The following CNOT4 variants were observed in gnomAD, a reference collection of about 807,000 sequenced individuals.
CNOT4 encodes the protein CCR4-NOT transcription complex subunit 4.
A neutral mutation model predicts 73.8 loss-of-function variants in CNOT4; 8 were observed. That is an observed-to-expected ratio of 0.11 (90% CI 0.06 to 0.20). The LOEUF (loss-of-function observed/expected upper bound fraction) is 0.20. Among genes scored for constraint, CNOT4 ranks in the 10% least tolerant of loss-of-function variants. The pLI, the probability that CNOT4 is intolerant of heterozygous loss-of-function variation, is 1.00. For missense variants in CNOT4, 564 were observed against 883.4 expected (o/e 0.64, Z 4.58); for synonymous variants, 293 against 321.1 (o/e 0.91, Z 0.94).
In CNOT4 at chr7:135,394,146, T is replaced by C. The variant is rs1424575619; in HGVS notation, c.1399A>G (p.Ser467Gly). 1 of 1,614,066 alleles carries C rather than the reference T, an allele frequency of 6.2e-7. No individual in the cohort carries two copies. Among genetic ancestry groups the C allele is most frequent in the Non-Finnish European group, 8.5e-7 (1 of 1,180,032 alleles). Reference protein sequence around the residue: ...AAATNANSLNSTFSVLPQRFP... With the variant: ...AAATNANSLNGTFSVLPQRFP... ...CTCTGGGGCAAGACTGAAAAGGTAC[T>C]ATTGAGAGAATTGGCATTTGTAGCT... Residue 467 changes from serine (S) to glycine (G), a missense_variant, in exon 10 of 12, where the codon AGT (serine) becomes GGT (glycine). Physicochemically the swap from Ser to Gly is moderately conservative, Grantham distance 56. This residue lies in a region of CNOT4 where 153 missense variants were observed against 158.7 expected (regional missense o/e 0.96). Transcript: ENST00000541284.
At chr7:135,453,504 T>C (rs1017375919) in intron 1 of CNOT4, among the ~76,000 whole-genome samples, 6 of 151,848 alleles carry the variant, frequency 4.0e-5, no homozygotes, top group African/African-American at 1.5e-4. Context: ...TTTTACTTCA[T>C]GGAAAGCATT....
At chr7:135,383,840 C>G (rs575251426) in intron 10 of CNOT4, among the ~76,000 whole-genome samples, 1 of 152,314 alleles carries the variant, frequency 6.6e-6, no homozygotes, top group African/African-American at 2.4e-5. Flanking sequence ...CATTTCTTCA[C>G]AGGAAACTGC....
At chr7:135,443,744 CAAAATAA>C (rs995777373) in intron 1 of CNOT4, among the ~76,000 whole-genome samples, 12 of 152,222 alleles carry the variant, frequency 7.9e-5, no homozygotes, top group African/African-American at 2.9e-4. Flanking sequence ...AGTAAGTACA[CAAAATAA>C]AAATCATACA....
chr7:135,504,108 C>G, intron 1 of CNOT4, among the ~76,000 whole-genome samples: 1 of 152,150 alleles, frequency 6.6e-6, no homozygotes, highest in East Asian at 1.9e-4. Context: ...CCACTCTATT[C>G]CAAACTCTGA....
intron 1 of CNOT4, among the ~76,000 whole-genome samples, chr7:135,478,787 G>C (rs73452408): frequency 0.051 from 7,714 of 152,112 alleles, 676 homozygotes; most frequent in African/African-American, 0.18. Flanking sequence ...AATATAAATA[G>C]CTGTAAACTT....
At chr7:135,490,394 T>G (rs1196335904) in intron 1 of CNOT4, among the ~76,000 whole-genome samples, 1 of 152,186 alleles carries the variant, frequency 6.6e-6, no homozygotes, top group Non-Finnish European at 1.5e-5. Context: ...GACACTAATC[T>G]TGGCAGAGGT....
At chr7:135,488,097 T>C (rs1156692950) in intron 1 of CNOT4, among the ~76,000 whole-genome samples, 1 of 152,000 alleles carries the variant, frequency 6.6e-6, no homozygotes, top group Non-Finnish European at 1.5e-5. Flanking sequence ...AAAAAAAGCA[T>C]TCTTTAAACT....
Position 135,363,300 on chromosome 7 carries a change from T to G in CNOT4, c.1841-114A>C, listed in dbSNP as rs970754504. ...AGGAAAGACAGAAGAGATTACAATTTTAAACTCCTTCCAAATAAGACCTTT... is the reference window on the plus strand; with the variant it reads ...AGGAAAGACAGAAGAGATTACAATTGTAAACTCCTTCCAAATAAGACCTTT... On this transcript the variant is annotated intron_variant, in intron 11 of 11. Coordinates refer to ENST00000541284, the MANE Select transcript of CNOT4 (RefSeq NM_001190850.2). The surrounding 1 kb of genome is among the most constrained non-coding windows in gnomAD (Gnocchi z 4.3). The G allele has an allele frequency of 3.4e-5, 32 of 930,420 alleles. No homozygotes were observed. The highest frequency in any genetic ancestry group is 5.1e-5 in the Non-Finnish European group (31 of 606,568). 57.6% of individuals were successfully genotyped at this position (930,420 alleles called of 1,614,324 possible).
At chr7:135,488,957 A>G (rs1802922364) in intron 1 of CNOT4, among the ~76,000 whole-genome samples, 1 of 152,144 alleles carries the variant, frequency 6.6e-6, no homozygotes, top group Admixed American at 6.5e-5. Flanking sequence ...AAAACTCAAG[A>G]CTTGACAAAG....
In CNOT4 at chr7:135,447,197, A is replaced by G. The variant is rs1275644768; in HGVS notation, c.-92-8774T>C. 2.8e-5 allele frequency among the ~76,000 whole-genome samples: 3 copies of G among 106,688 alleles called. 1 individual carries two copies. The highest frequency in any genetic ancestry group is 8.2e-5 in the African/African-American group (3 of 36,654). The allele number at this position is 106,688 out of a possible 152,430, so 70.0% of individuals were successfully genotyped here. On this transcript the variant is annotated intron_variant, in intron 1 of 11. Coordinates refer to ENST00000541284, the MANE Select transcript of CNOT4 (RefSeq NM_001190850.2). Reference sequence around the variant, plus strand: ...TGTCCATTGTTTCTGTATTAGACACATTTCACAAAGCATGTTATTTACATA... The same window carrying G: ...TGTCCATTGTTTCTGTATTAGACACGTTTCACAAAGCATGTTATTTACATA...
At chr7:135,419,872 A>G (rs140195723) in intron 3 of CNOT4, among the ~76,000 whole-genome samples, 410 of 150,882 alleles carry the variant, frequency 2.7e-3, no homozygotes, top group Non-Finnish European at 4.8e-3. Context: ...GTGAAACCCC[A>G]TCTCCACTAA....
intron 10 of CNOT4, among the ~76,000 whole-genome samples, chr7:135,393,446 T>C (rs1300754027): frequency 2.0e-5 from 3 of 152,192 alleles, no homozygotes; most frequent in African/African-American, 7.2e-5. Context: ...TTGATGTGTG[T>C]GTATATGTGT....
rs71174521 is a variant in CNOT4 at position 135,420,577 on chromosome 7, CAAAAAAAAAAA to C, written c.372+1568_372+1578del. Among the ~76,000 whole-genome samples, 98 of 53,374 alleles carry C rather than the reference CAAAAAAAAAAA, an allele frequency of 1.8e-3. 1 individual carries two copies. The highest frequency in any genetic ancestry group is 4.6e-3 in the Admixed American group (22 of 4,732). The allele number at this position is 53,374 out of a possible 152,430, so 35.0% of individuals were successfully genotyped here. ...GGGTGACAAAGTGAGACCATGTCTC[CAAAAAAAAAAA>C]AAAAAAAAAAAGTAGATTCTAATCA... On this transcript the variant is annotated intron_variant, in intron 3 of 11. Transcript: ENST00000541284.
chr7:135,430,623 C>T lies in CNOT4; in HGVS notation c.174+7535G>A, dbSNP rs181402134. The stretch of plus-strand genomic sequence containing the variant: ...TGAGGCCACTGTACTCCACCCTGGG[C>T]GAGAGACCAAGACCCTATCGCTTTA... On this transcript the variant is annotated intron_variant, in intron 2 of 11. Transcript: ENST00000541284. Among the ~76,000 whole-genome samples the T allele has an allele frequency of 1.5e-3, 221 of 151,706 alleles. 1 individual carries two copies. Among genetic ancestry groups the T allele is most frequent in the African/African-American group, 3.5e-3 (143 of 41,328 alleles).
At position 135,374,992 on chromosome 7, in the gene CNOT4, A is replaced by T. The variant is rs183428382; in HGVS notation, c.1628-10926T>A. 5.9e-5 allele frequency among the ~76,000 whole-genome samples: 9 copies of T among 152,360 alleles called. No homozygotes were observed. The East Asian group carries it at 1.5e-3, about 26-fold the overall frequency. On this transcript the variant is annotated intron_variant, in intron 10 of 11. Coordinates refer to ENST00000541284, the MANE Select transcript of CNOT4 (RefSeq NM_001190850.2). ...TAAATAGATGTGCAATGTCTAAATTAGCAATTGTGTGACCTTAGGCAAATC... is the reference window on the plus strand; with the variant it reads ...TAAATAGATGTGCAATGTCTAAATTTGCAATTGTGTGACCTTAGGCAAATC...
intron 2 of CNOT4, among the ~76,000 whole-genome samples, chr7:135,434,452 T>C (rs923758224): frequency 2.6e-5 from 4 of 152,134 alleles, no homozygotes; most frequent in Non-Finnish European, 5.9e-5. Context: ...AACCAAAAAA[T>C]TATTCCTGGC....
rs7795526 is a variant in CNOT4, at chr7:135,431,822, T to C, written c.174+6336A>G. Among the ~76,000 whole-genome samples, 90 of 152,194 alleles carry C rather than the reference T, an allele frequency of 5.9e-4. 1 individual carries two copies. Among genetic ancestry groups the C allele is most frequent in the African/African-American group, 1.8e-3 (76 of 41,540 alleles). On this transcript the variant is annotated intron_variant, in intron 2 of 11. Transcript: ENST00000541284. ...TAATATAACAAACATGCTGTACTAT[T>C]ATGTATACTGAAAACTATAAAACAT...
intron 10 of CNOT4, among the ~76,000 whole-genome samples, chr7:135,367,729 C>G (rs1057293121): frequency 3.2e-4 from 48 of 152,120 alleles, no homozygotes; most frequent in African/African-American, 1.2e-3. Context: ...TGTAGTCAAT[C>G]TAATAATGAG....
intron 1 of CNOT4, among the ~76,000 whole-genome samples, chr7:135,461,176 C>T (rs28422979): frequency 0.065 from 9,879 of 152,014 alleles, 456 homozygotes; most frequent in Middle Eastern, 0.12. Flanking sequence ...TTTTGAAAGT[C>T]TAGTGTAATG....
Sources: gnomAD v4.1 joint callset for allele counts (sites outside exome capture counted in the v4.1 genomes callset) on GRCh38, gnomAD v4.1.1 for gene constraint, gnomAD v4.1.1 regional missense constraint, Gnocchi (gnomAD v3.1) non-coding constraint, MANE v1.5 for transcripts, NCBI Gene and HGNC (gene_info 2026-07-23, HGNC 2026-07-21) for gene names.